LIAS: variants seen among roughly 807,000 people sequenced by gnomAD.
LIAS encodes lipoyl synthase, mitochondrial.
A neutral mutation model predicts 49.4 loss-of-function variants in LIAS; 36 were observed. The ratio of observed to expected loss-of-function variants is 0.73; its 90% confidence interval spans 0.56 to 0.96. The LOEUF (loss-of-function observed/expected upper bound fraction) is 0.96. LIAS is among the 40% of genes least tolerant of loss of function. The pLI is 0.00. For synonymous variants in LIAS, 145 were observed against 155.8 expected (o/e 0.93, Z 0.52); for missense variants, 399 against 456.3 (o/e 0.87, Z 1.14).
At position 39,463,523 on chromosome 4, in the gene LIAS, AG is replaced by A; in HGVS notation, c.313del. 5 of 1,597,212 alleles carry A rather than the reference AG, an allele frequency of 3.1e-6. No homozygotes were observed. The highest frequency in any genetic ancestry group is 4.3e-6 in the Non-Finnish European group (5 of 1,170,338). ...TGGTGTTCCATTTCCTTTTGCATAC[AG>A]GTATGTGAGGAAGCTCGATGTCCCA... On this transcript the variant is annotated splice_acceptor_variant, in intron 3 of 10. Coordinates refer to ENST00000640888, the MANE Select transcript of LIAS (RefSeq NM_006859.4). LOFTEE classifies it high-confidence loss of function.
In LIAS at chr4:39,478,796, C is replaced by CCT. The variant is rs1745295266; in HGVS notation, c.*1682_*1683dup. ...AGATTCATCTTTTGACTGAATCCTG[C>CCT]CTTTCTACTTTTTCTGCATATCTAA... On this transcript the variant is annotated 3_prime_UTR_variant, in exon 11 of 11. Coordinates refer to ENST00000640888, the MANE Select transcript of LIAS (RefSeq NM_006859.4). The CCT allele has an allele frequency of 6.6e-6, 1 of 152,196 alleles. No homozygotes were observed. The highest frequency in any genetic ancestry group is 1.5e-5 in the Non-Finnish European group (1 of 68,034). The allele number at this position is 152,196 out of a possible 1,614,324, so 9.4% of individuals were successfully genotyped here.
At chr4:39,463,857 C>T (rs1744648180) in intron 4 of LIAS, 8 of 581,790 alleles carry the variant, frequency 1.4e-5, no homozygotes, top group South Asian at 8.9e-5. Context: ...GATACCTCTC[C>T]TATCAATGTT....
chr4:39,468,502 AATATATAT>A (rs67818033), intron 7 of LIAS: 1 of 125,186 alleles, frequency 8.0e-6, no homozygotes, highest in South Asian at 2.6e-4. Context: ...GGAAAAAAAA[AATATATAT>A]ATATATATAT....
At chr4:39,472,650 C>T (rs73808443) in intron 9 of LIAS, among the ~76,000 whole-genome samples, 202 of 152,274 alleles carry the variant, frequency 1.3e-3, no homozygotes, top group African/African-American at 4.7e-3. Context: ...CTATCATGGA[C>T]ATTTATCCAT....
intron 4 of LIAS, 94 bp from the exon 5 acceptor site, chr4:39,464,952 G>A (rs369734312): frequency 2.1e-6 from 2 of 954,108 alleles, no homozygotes; most frequent in Non-Finnish European, 1.6e-6. Flanking sequence ...GAACCAAACT[G>A]TATGCATTCT....
rs1310750124 is a variant in LIAS, at chr4:39,477,123, AC to A, written c.*9del. 6.3e-7 allele frequency: 1 copy of A among 1,591,448 alleles called. No individual in the cohort carries two copies. Among genetic ancestry groups the A allele is most frequent in the African/African-American group, 1.4e-5 (1 of 73,574 alleles). On this transcript the variant is annotated 3_prime_UTR_variant, in exon 11 of 11. Transcript: ENST00000640888. The stretch of plus-strand genomic sequence containing the variant: ...AAAACAAAAGACCTCTAAAACTTCA[AC>A]AAGACCTTCAAGATCACAGAAATTT...
At chr4:39,462,323 C>T in intron 3 of LIAS, 34 bp downstream of exon 3, 1 of 1,027,126 alleles carries the variant, frequency 9.7e-7, no homozygotes, top group Non-Finnish European at 1.4e-6. Context: ...TCCCTCTTCA[C>T]CAAAAGCCAT....
chr4:39,460,837 G>C lies in LIAS; in HGVS notation c.93G>C (p.Leu31Phe). 1 of 1,605,376 alleles carries C rather than the reference G, an allele frequency of 6.2e-7. No homozygotes were observed. The highest frequency in any genetic ancestry group is 8.5e-7 in the Non-Finnish European group (1 of 1,177,338). Residue 31 changes from leucine (L) to phenylalanine (F), a missense_variant, in exon 2 of 11, where the codon TTG (leucine) becomes TTC (phenylalanine). Leu to Phe is a conservative substitution (Grantham distance 22). Coordinates refer to ENST00000640888, the MANE Select transcript of LIAS (RefSeq NM_006859.4). Reference protein sequence around the residue: ...FCSPVRPLSSLPDKKKELLQN... With the variant: ...FCSPVRPLSSFPDKKKELLQN... The stretch of plus-strand genomic sequence containing the variant: ...GCCCAGTCAGACCGTTAAGCTCCTT[G>C]CCAGATAAAAAAAAGGAACTCCTAC...
rs773238728 is a variant in LIAS at position 39,463,541 on chromosome 4, G to T, written c.329G>T (p.Arg110Leu). The part of the protein sequence containing the change: ...LNLHTVCEEA[R>L]CPNIGECWGG... ...TGCATACAGGTATGTGAGGAAGCTC[G>T]ATGTCCCAATATTGGAGAGTGTTGG... The change falls in exon 4 of 11, where the codon CGA (arginine) becomes CTA (leucine). Residue 110 changes from arginine (R) to leucine (L), a missense_variant. By Grantham distance (102) the Arg-to-Leu change is moderately radical. Transcript: ENST00000640888. 1 of 1,608,388 alleles carries T rather than the reference G, an allele frequency of 6.2e-7. No individual in the cohort carries two copies. The highest frequency in any genetic ancestry group is 8.5e-7 in the Non-Finnish European group (1 of 1,176,680).
chr4:39,473,322 G>C (rs1229624777), intron 10 of LIAS, 111 bp downstream of exon 10: 1 of 656,498 alleles, frequency 1.5e-6, no homozygotes, highest in Non-Finnish European at 2.7e-6. Context: ...GGTGGTCTTG[G>C]TAGAGGGCGT....
At chr4:39,474,244 C>CA (rs1419751759) in intron 10 of LIAS, among the ~76,000 whole-genome samples, 1 of 126,520 alleles carries the variant, frequency 7.9e-6, no homozygotes, top group Non-Finnish European at 1.6e-5. Flanking sequence ...GCCTGGGCAA[C>CA]AGAGCAAGAC....
rs1357395665 is a variant in LIAS, at chr4:39,471,300, C to G, written c.948C>G (p.His316Gln). 6.3e-7 allele frequency: 1 copy of G among 1,596,048 alleles called. No individual in the cohort carries two copies. The highest frequency in any genetic ancestry group is 8.6e-7 in the Non-Finnish European group (1 of 1,166,262). ...AATATATGCAGCCAACAAGGCGTCA[C>G]CTTAAGGTACATGTATCTTGATTTG... is the stretch of plus-strand genomic sequence containing the variant. Reference protein sequence around the residue: ...LGQYMQPTRRHLKVEEYITPE... With the variant: ...LGQYMQPTRRQLKVEEYITPE... Residue 316 changes from histidine (H) to glutamine (Q), a missense_variant, in exon 9 of 11, where the codon CAC becomes CAG. Physicochemically the swap from His to Gln is conservative, Grantham distance 24. Around this residue, in one of 3 missense-constraint regions of LIAS, gnomAD observed 234 missense variants for 292.2 expected, o/e 0.80. Coordinates refer to ENST00000640888, the MANE Select transcript of LIAS (RefSeq NM_006859.4).
intron 2 of LIAS, among the ~76,000 whole-genome samples, 177 bp downstream of exon 2, chr4:39,461,139 A>T (rs1744479359): frequency 6.6e-6 from 1 of 152,192 alleles, no homozygotes; most frequent in African/African-American, 2.4e-5. Flanking sequence ...AAATTTTTGG[A>T]ATCTTTCTCT....
At chr4:39,463,140 C>T (rs531456473) in intron 3 of LIAS, among the ~76,000 whole-genome samples, 1 of 145,780 alleles carries the variant, frequency 6.9e-6, no homozygotes, top group Admixed American at 7.0e-5. Flanking sequence ...GCTCTGTTGT[C>T]TATGCTGGAG....
chr4:39,461,145 T>C (rs1014477004), intron 2 of LIAS, among the ~76,000 whole-genome samples, 183 bp downstream of exon 2: 1 of 152,150 alleles, frequency 6.6e-6, no homozygotes, highest in African/African-American at 2.4e-5. Flanking sequence ...TTGGAATCTT[T>C]CTCTTTTCTC....
chr4:39,460,729 G>C, intron 1 of LIAS, 61 bp from the exon 2 acceptor site: 7 of 1,412,336 alleles, frequency 5.0e-6, no homozygotes, highest in Middle Eastern at 1.9e-4. Context: ...TGTTATGATG[G>C]GTTAAAACTA....
At chr4:39,473,906 G>A (rs975263242) in intron 10 of LIAS, 4 of 152,144 alleles carry the variant, frequency 2.6e-5, no homozygotes, top group Non-Finnish European at 2.9e-5. Context: ...TCTGAAGACC[G>A]AATTTAATCT....
chr4:39,479,360 T>G lies in LIAS; in HGVS notation c.*2245T>G, dbSNP rs767001805. On this transcript the variant is annotated 3_prime_UTR_variant, in exon 11 of 11. Coordinates refer to ENST00000640888, the MANE Select transcript of LIAS (RefSeq NM_006859.4). ...GTGAAACACTGTCTCTACTAAAAATTAAAAAATTAGCCAAGTGTGGTGGCG... is the reference window on the plus strand; with the variant it reads ...GTGAAACACTGTCTCTACTAAAAATGAAAAAATTAGCCAAGTGTGGTGGCG... The G allele has an allele frequency of 6.7e-6, 1 of 149,100 alleles. No homozygotes were observed. The highest frequency in any genetic ancestry group is 1.5e-5 in the Non-Finnish European group (1 of 67,326). The allele number at this position is 149,100 out of a possible 1,614,324, so 9.2% of individuals were successfully genotyped here. A position where few individuals can be genotyped will look rare whatever the true frequency, so the allele number is the denominator to read the frequency against.
chr4:39,472,019 C>T lies in LIAS; in HGVS notation c.954+713C>T, dbSNP rs775163814. Among the ~76,000 whole-genome samples the T allele has an allele frequency of 1.4e-4, 21 of 151,780 alleles. 1 individual carries two copies. The highest frequency in any genetic ancestry group is 2.1e-4 in the Non-Finnish European group (14 of 67,982). On this transcript the variant is annotated intron_variant, in intron 9 of 10. Transcript: ENST00000640888. ...TAACTACTAATAGCCTTCTGTTGAC[C>T]GGAAGCCATACCAATAACAGTCAAT...
Sources: allele counts gnomAD v4.1 joint callset (sites outside exome capture counted in the v4.1 genomes callset), GRCh38; gene constraint gnomAD v4.1.1; regional missense constraint gnomAD v4.1.1; transcripts MANE v1.5; gene names NCBI Gene and HGNC (gene_info 2026-07-23, HGNC 2026-07-21).